The following TMTC2 variants were observed in gnomAD, a reference collection of about 807,000 sequenced individuals.
The protein encoded by TMTC2 is transmembrane O-mannosyltransferase targeting cadherins 2, also known as protein O-mannosyl-transferase TMTC2.
Under a neutral mutation model 82.4 loss-of-function variants are expected in TMTC2, and 43 were observed. The observed-to-expected ratio is 0.52, with a 90% CI of 0.41 to 0.67. The LOEUF (loss-of-function observed/expected upper bound fraction) is 0.67, where lower values mean the gene tolerates loss of function less well. Ranked by LOEUF, TMTC2 falls within the 30% of genes least tolerant of loss-of-function variation. The pLI is 0.00. For synonymous variants in TMTC2, 408 were observed against 381.9 expected (o/e 1.07, Z -0.80); for missense variants, 919 against 1,012.4 (o/e 0.91, Z 1.25).
Position 83,009,302 on chromosome 12 carries a change from G to A in TMTC2, c.2071-21496G>A, listed in dbSNP as rs12296152. 6.6e-3 allele frequency among the ~76,000 whole-genome samples: 1,007 copies of A among 152,156 alleles called. 17 individuals carry two copies. The highest frequency in any genetic ancestry group is 0.023 in the African/African-American group (957 of 41,504). ...GTTCTTCACTATGAAAACTTAGTCC[G>A]GTTCCTGAAAGGTGATGGTTGAGTA... On this transcript the variant is annotated intron_variant, in intron 8 of 11. Transcript: ENST00000321196.
intron 4 of TMTC2, 76 bp from the exon 5 acceptor site, chr12:82,964,948 G>T: frequency 4.5e-6 from 4 of 891,390 alleles, no homozygotes; most frequent in African/African-American, 1.7e-5. Context: ...TTTATTTTTG[G>T]AATATAAAAT....
chr12:82,707,345 C>T (rs530077026), intron 1 of TMTC2, among the ~76,000 whole-genome samples: 142 of 152,280 alleles, frequency 9.3e-4, no homozygotes, highest in South Asian at 2.1e-3. Context: ...GATGCCTCAC[C>T]TCCAAATACC....
At chr12:83,062,043 G>A (rs2137473736) in intron 11 of TMTC2, among the ~76,000 whole-genome samples, 1 of 151,726 alleles carries the variant, frequency 6.6e-6, no homozygotes, top group Middle Eastern at 3.4e-3. Flanking sequence ...TCTTTTTCTA[G>A]AGGTAGATTT....
chr12:82,795,150 C>T (rs947632614), intron 1 of TMTC2, among the ~76,000 whole-genome samples: 2 of 151,492 alleles, frequency 1.3e-5, no homozygotes, highest in African/African-American at 4.8e-5. Flanking sequence ...ACTAAAAATA[C>T]AAAAATTAGC....
intron 2 of TMTC2, among the ~76,000 whole-genome samples, chr12:82,875,593 C>T (rs1025782990): frequency 6.6e-6 from 1 of 152,134 alleles, no homozygotes; most frequent in African/African-American, 2.4e-5. Context: ...CAGAATTTAG[C>T]ATTACGGCTA....
intron 11 of TMTC2, among the ~76,000 whole-genome samples, chr12:83,111,918 G>T (rs1814517898): frequency 6.6e-6 from 1 of 151,748 alleles, no homozygotes; most frequent in Non-Finnish European, 1.5e-5. Context: ...CTTCAAGCCT[G>T]GGCAACATGG....
intron 11 of TMTC2, among the ~76,000 whole-genome samples, chr12:83,088,044 T>C (rs1490102546): frequency 6.6e-6 from 1 of 152,214 alleles, no homozygotes; most frequent in Non-Finnish European, 1.5e-5. Flanking sequence ...GCCATATCCA[T>C]CAATGATCTT....
At position 82,687,518 on chromosome 12, in the gene TMTC2, T is replaced by C. The variant is rs1260219286; in HGVS notation, c.-69T>C. 3 of 1,452,516 alleles carry C rather than the reference T, an allele frequency of 2.1e-6. No individual in the cohort carries two copies. The highest frequency in any genetic ancestry group is 1.4e-5 in the African/African-American group (1 of 72,480). 90.0% of individuals were successfully genotyped at this position (1,452,516 alleles called of 1,614,324 possible). Reference sequence around the variant, plus strand: ...GAAGGCGGCGGAAGGTGGAGATTGATGCTTCTGTTTTTTGTTGCCGCTGCT... The same window carrying C: ...GAAGGCGGCGGAAGGTGGAGATTGACGCTTCTGTTTTTTGTTGCCGCTGCT... On this transcript the variant is annotated 5_prime_UTR_variant, in exon 1 of 12. The change abolishes an upstream ATG in the 5' untranslated region. Transcript: ENST00000321196.
intron 4 of TMTC2, among the ~76,000 whole-genome samples, chr12:82,943,718 C>T (rs568462480): frequency 3.9e-5 from 6 of 152,216 alleles, no homozygotes; most frequent in African/African-American, 1.4e-4. Flanking sequence ...CTGATTATGT[C>T]TTTTGAGTAT....
intron 11 of TMTC2, among the ~76,000 whole-genome samples, chr12:83,062,814 G>A (rs569038232): frequency 6.6e-6 from 1 of 151,802 alleles, no homozygotes; most frequent in South Asian, 2.1e-4. Flanking sequence ...ACAAAGAGGA[G>A]GATTAATGTT....
chr12:83,032,257 T>TTATA (rs57604518), intron 9 of TMTC2, among the ~76,000 whole-genome samples: 4,827 of 129,744 alleles, frequency 0.037, 107 homozygotes, highest in Middle Eastern at 0.045. Flanking sequence ...AGAGAATATT[T>TTATA]TATATATATA....
At chr12:82,825,312 G>A (rs1042381734) in intron 1 of TMTC2, among the ~76,000 whole-genome samples, 1 of 152,182 alleles carries the variant, frequency 6.6e-6, no homozygotes, top group Non-Finnish European at 1.5e-5. Flanking sequence ...AAACTGTTGG[G>A]AATGTGAGAT....
At chr12:82,869,224 T>C (rs1872038805) in intron 2 of TMTC2, among the ~76,000 whole-genome samples, 1 of 152,088 alleles carries the variant, frequency 6.6e-6, no homozygotes, top group African/African-American at 2.4e-5. Context: ...CAGCTGCTCA[T>C]GGGGAAATTA....
intron 11 of TMTC2, among the ~76,000 whole-genome samples, chr12:83,080,385 C>G (rs7956736): frequency 0.38 from 57,601 of 150,122 alleles, 10,948 homozygotes; most frequent in Middle Eastern, 0.45. Context: ...CTCTCTCTCT[C>G]TGTGTGTGTG....
chr12:82,942,363 T>C (rs1876768773), intron 4 of TMTC2, among the ~76,000 whole-genome samples: 1 of 152,176 alleles, frequency 6.6e-6, no homozygotes, highest in Admixed American at 6.5e-5. Flanking sequence ...TATCAGTCTG[T>C]CCTTTAAAGG....
intron 11 of TMTC2, among the ~76,000 whole-genome samples, chr12:83,124,997 A>G (rs1374917944): frequency 6.6e-6 from 1 of 152,208 alleles, no homozygotes; most frequent in Non-Finnish European, 1.5e-5. Context: ...TGTTCATCTT[A>G]AATTTTTTTG....
intron 1 of TMTC2, among the ~76,000 whole-genome samples, chr12:82,836,877 C>T (rs1870072705): frequency 1.3e-5 from 2 of 152,090 alleles, no homozygotes; most frequent in South Asian, 2.1e-4. Context: ...TTCATCACTG[C>T]TGAGACAGGA....
At chr12:82,805,063 G>T (rs192595915) in intron 1 of TMTC2, among the ~76,000 whole-genome samples, 1 of 152,126 alleles carries the variant, frequency 6.6e-6, no homozygotes, top group Non-Finnish European at 1.5e-5. Context: ...CTACTGCTGT[G>T]TCTGGTTTCC....
chr12:82,907,334 G>A (rs1298034463), intron 3 of TMTC2, among the ~76,000 whole-genome samples: 4 of 151,774 alleles, frequency 2.6e-5, no homozygotes, highest in South Asian at 2.1e-4. Context: ...GTGGTGGTGC[G>A]CGCCTATAGT....
Sources: allele counts gnomAD v4.1 joint callset (sites outside exome capture counted in the v4.1 genomes callset), GRCh38; gene constraint gnomAD v4.1.1; transcripts MANE v1.5; gene names NCBI Gene and HGNC (gene_info 2026-07-23, HGNC 2026-07-21).